Variants in PCDHA8 observed in about 807,000 individuals in gnomAD.
PCDHA8 encodes the protein protocadherin alpha 8.
In PCDHA8, 53 loss-of-function variants were observed where a neutral mutation model predicts 61.8. That is an observed-to-expected ratio of 0.86 (90% CI 0.69 to 1.08). PCDHA8 has a LOEUF of 1.08. PCDHA8 is among the 50% of genes least tolerant of loss of function. PCDHA8 has a pLI of 0.00. For synonymous variants in PCDHA8, 618 were observed against 556.6 expected (o/e 1.11, Z -1.55); for missense variants, 1,293 against 1,245.0 (o/e 1.04, Z -0.58).
intron 1 of PCDHA8, among the ~76,000 whole-genome samples, chr5:140,974,081 C>T (rs1432185201): frequency 6.6e-6 from 1 of 152,196 alleles, no homozygotes; most frequent in African/African-American, 2.4e-5. Context: ...ATAACCATGA[C>T]TTCAAAAATC....
intron 1 of PCDHA8, chr5:140,865,596 A>G (rs1309543842): frequency 2.6e-5 from 4 of 152,224 alleles, no homozygotes; most frequent in Admixed American, 2.0e-4. Context: ...CCATTGTTTG[A>G]GCAGTTTATT....
chr5:140,848,614 A>G (rs2150414883), intron 1 of PCDHA8: 3 of 1,593,564 alleles, frequency 1.9e-6, no homozygotes, highest in African/African-American at 1.3e-5. Flanking sequence ...GAGGAAGCCG[A>G]ACACGGCACC....
intron 1 of PCDHA8, chr5:140,929,169 T>C: frequency 6.2e-7 from 1 of 1,614,188 alleles, no homozygotes; most frequent in Non-Finnish European, 8.5e-7. Flanking sequence ...ATCGGGCCTC[T>C]CTGGGACTTG....
chr5:140,966,953 C>A, intron 1 of PCDHA8: 1 of 1,603,802 alleles, frequency 6.2e-7, no homozygotes. Flanking sequence ...CAACGTGGCT[C>A]GCGCGCTGGG....
chr5:140,985,554 A>G (rs1563525071), intron 3 of PCDHA8, among the ~76,000 whole-genome samples: 1 of 152,114 alleles, frequency 6.6e-6, no homozygotes, highest in Non-Finnish European at 1.5e-5. Flanking sequence ...GTTGCTTCCA[A>G]AAGGCTTCTT....
At chr5:140,846,915 C>G (rs1464406518) in intron 1 of PCDHA8, among the ~76,000 whole-genome samples, 1 of 149,458 alleles carries the variant, frequency 6.7e-6, no homozygotes, top group Non-Finnish European at 1.5e-5. Context: ...CAATCATTTC[C>G]TATTTGAATT....
chr5:140,996,705 CTT>C (rs1222604793), intron 3 of PCDHA8, among the ~76,000 whole-genome samples: 3 of 152,108 alleles, frequency 2.0e-5, no homozygotes, highest in African/African-American at 7.2e-5. Flanking sequence ...ACCTCTATCT[CTT>C]TGATTTAATT....
At chr5:140,903,616 T>C (rs1053634742) in intron 1 of PCDHA8, among the ~76,000 whole-genome samples, 72 of 152,338 alleles carry the variant, frequency 4.7e-4, no homozygotes, top group African/African-American at 1.7e-3. Context: ...CACATGAATG[T>C]GCATGCATAT....
intron 1 of PCDHA8, among the ~76,000 whole-genome samples, chr5:140,961,052 G>A (rs942442138): frequency 7.9e-5 from 12 of 152,272 alleles, no homozygotes; most frequent in African/African-American, 2.9e-4. Flanking sequence ...TTAACAAAAT[G>A]TTGAATGGGA....
At chr5:140,920,329 G>A (rs556077448) in intron 1 of PCDHA8, among the ~76,000 whole-genome samples, 8 of 152,080 alleles carry the variant, frequency 5.3e-5, no homozygotes, top group South Asian at 4.2e-4. Flanking sequence ...TATATTTATG[G>A]CATTTCTTAT....
chr5:141,005,701 CA>C (rs59860837), intron 3 of PCDHA8, among the ~76,000 whole-genome samples: 201 of 7,776 alleles, frequency 0.026, no homozygotes, highest in African/African-American at 0.052. Flanking sequence ...AACTCCGTCT[CA>C]AAAAAAAAAA....
chr5:140,947,645 A>G (rs1373528004), intron 1 of PCDHA8, among the ~76,000 whole-genome samples: 2 of 151,670 alleles, frequency 1.3e-5, no homozygotes, highest in African/African-American at 2.4e-5. Flanking sequence ...GTATGAACAT[A>G]TATACCTCCA....
chr5:140,957,513 T>C (rs76093065), intron 1 of PCDHA8, among the ~76,000 whole-genome samples: 3,563 of 152,232 alleles, frequency 0.023, 49 homozygotes, highest in Middle Eastern at 0.034. Flanking sequence ...TTATCCTTGG[T>C]TTCAGACATT....
chr5:140,878,408 T>G (rs1554170402), intron 1 of PCDHA8, among the ~76,000 whole-genome samples: 2 of 152,244 alleles, frequency 1.3e-5, no homozygotes, highest in Non-Finnish European at 2.9e-5. Context: ...AAATATCTTC[T>G]TTATTTCAAG....
chr5:140,968,629 T>C, intron 1 of PCDHA8: 1 of 1,614,174 alleles, frequency 6.2e-7, no homozygotes, highest in Non-Finnish European at 8.5e-7. Context: ...CTTGGCTTTT[T>C]TACCATCTAG....
intron 1 of PCDHA8, among the ~76,000 whole-genome samples, chr5:140,901,764 G>A (rs1217710808): frequency 6.6e-6 from 1 of 152,120 alleles, no homozygotes; most frequent in Non-Finnish European, 1.5e-5. Context: ...GACAGGGATT[G>A]CATTGAATTT....
chr5:140,856,078 C>G, intron 1 of PCDHA8: 18 of 1,594,016 alleles, frequency 1.1e-5, no homozygotes, highest in Non-Finnish European at 1.5e-5. Context: ...GCCTGGGGGT[C>G]CAGTGTCTGC....
At chr5:141,008,108 T>C (rs2098361480) in intron 3 of PCDHA8, among the ~76,000 whole-genome samples, 1 of 152,138 alleles carries the variant, frequency 6.6e-6, no homozygotes, top group Non-Finnish European at 1.5e-5. Flanking sequence ...CTCATGAGAA[T>C]AAGTGTTTCA....
chr5:140,860,192 C>CATATAT (rs143984774), intron 1 of PCDHA8: 2 of 146,816 alleles, frequency 1.4e-5, no homozygotes, highest in African/African-American at 5.0e-5. Context: ...GCTCTCCTTA[C>CATATAT]ATATATATCT....
Sources: allele counts gnomAD v4.1 joint callset (sites outside exome capture counted in the v4.1 genomes callset), GRCh38; gene constraint gnomAD v4.1.1; transcripts MANE v1.5; gene names NCBI Gene and HGNC (gene_info 2026-07-23, HGNC 2026-07-21).